DGKB: variants seen among roughly 807,000 people sequenced by gnomAD.
DGKB encodes the protein 90 kDa diacylglycerol kinase.
A neutral mutation model predicts 114.3 loss-of-function variants in DGKB; 67 were observed. The observed-to-expected ratio is 0.59, with a 90% CI of 0.48 to 0.72. The LOEUF is 0.72. DGKB is among the 30% of genes least tolerant of loss of function. The pLI is 0.00. For missense variants in DGKB, 907 were observed against 975.2 expected (o/e 0.93, Z 0.93); for synonymous variants, 398 against 323.1 (o/e 1.23, Z -2.49).
intron 25 of DGKB, among the ~76,000 whole-genome samples, chr7:14,167,039 A>G (rs985412191): frequency 3.3e-5 from 5 of 152,070 alleles, no homozygotes; most frequent in African/African-American, 9.6e-5. Context: ...GTGAAAACCC[A>G]TCTGTACTAA....
At chr7:14,908,376 G>T (rs557671076) in intron 1 of DGKB, among the ~76,000 whole-genome samples, 1 of 152,186 alleles carries the variant, frequency 6.6e-6, no homozygotes, top group South Asian at 2.1e-4. Context: ...TTTACACAGA[G>T]CCCTGCACAC....
chr7:14,257,178 T>C (rs1796074238), intron 23 of DGKB, among the ~76,000 whole-genome samples: 1 of 152,100 alleles, frequency 6.6e-6, no homozygotes, highest in Non-Finnish European at 1.5e-5. Flanking sequence ...TAGAATAAAA[T>C]AAAAAAATTT....
intron 13 of DGKB, among the ~76,000 whole-genome samples, chr7:14,634,512 A>G (rs889190255): frequency 4.0e-5 from 6 of 149,968 alleles, no homozygotes; most frequent in Admixed American, 2.0e-4. Context: ...ACACACACAC[A>G]CACACTTGTT....
intron 1 of DGKB, among the ~76,000 whole-genome samples, chr7:14,841,872 T>C (rs576738602): frequency 1.3e-5 from 2 of 152,226 alleles, no homozygotes; most frequent in Admixed American, 1.3e-4. Context: ...AGAAGTCATA[T>C]AATTTGTTCT....
intron 23 of DGKB, among the ~76,000 whole-genome samples, chr7:14,221,785 C>T (rs886526306): frequency 4.0e-5 from 6 of 150,210 alleles, no homozygotes; most frequent in Admixed American, 4.0e-4. Flanking sequence ...GTGAAGCCAT[C>T]TGGGTCTTTG....
chr7:14,342,274 A>C (rs914995007), intron 22 of DGKB, among the ~76,000 whole-genome samples: 3 of 151,856 alleles, frequency 2.0e-5, no homozygotes, highest in Non-Finnish European at 4.4e-5. Context: ...ATCCCTGTCA[A>C]CCAAAAGACT....
At chr7:14,958,662 G>GTT (rs145147140) in intron 1 of DGKB, among the ~76,000 whole-genome samples, 6,989 of 151,986 alleles carry the variant, frequency 0.046, 240 homozygotes, top group Non-Finnish European at 0.076. Context: ...TAGCCTGTTT[G>GTT]TGGCATATGA....
At chr7:14,288,284 TGA>T (rs1801214222) in intron 23 of DGKB, among the ~76,000 whole-genome samples, 1 of 82,876 alleles carries the variant, frequency 1.2e-5, no homozygotes, top group African/African-American at 5.5e-5. Flanking sequence ...CAAACTACCC[TGA>T]GTTTTTTTTT....
At chr7:14,169,202 TA>T (rs71033976) in intron 25 of DGKB, among the ~76,000 whole-genome samples, 10 of 145,078 alleles carry the variant, frequency 6.9e-5, no homozygotes, top group African/African-American at 1.5e-4. Flanking sequence ...TACTAAAAAT[TA>T]AAAAAAAAAA....
At chr7:14,230,056 CT>C (rs1165379020) in intron 23 of DGKB, among the ~76,000 whole-genome samples, 2 of 151,868 alleles carry the variant, frequency 1.3e-5, no homozygotes, top group African/African-American at 4.8e-5. Context: ...TTGTTGCATC[CT>C]TTTTTTCTAC....
chr7:14,749,797 T>A (rs1723241), intron 4 of DGKB, among the ~76,000 whole-genome samples: 12,851 of 152,182 alleles, frequency 0.084, 932 homozygotes, highest in African/African-American at 0.19. Context: ...TGGAAACCTT[T>A]GTATATATAA....
At chr7:14,176,992 A>C in intron 24 of DGKB, 93 bp from the exon 25 acceptor site, 1 of 1,431,574 alleles carries the variant, frequency 7.0e-7, no homozygotes, top group Non-Finnish European at 9.6e-7. Flanking sequence ...CAGGGAAGGC[A>C]ATATGGTAAT....
At chr7:14,633,949 T>C (rs979494029) in intron 13 of DGKB, among the ~76,000 whole-genome samples, 3 of 151,520 alleles carry the variant, frequency 2.0e-5, no homozygotes, top group Non-Finnish European at 3.0e-5. Context: ...TATTTTCTAA[T>C]GTGTAATCAT....
intron 25 of DGKB, among the ~76,000 whole-genome samples, chr7:14,163,111 G>T (rs1784141885): frequency 6.6e-6 from 1 of 151,994 alleles, no homozygotes; most frequent in South Asian, 2.1e-4. Flanking sequence ...GAACCAAAAT[G>T]GAAATTATAT....
intron 25 of DGKB, among the ~76,000 whole-genome samples, chr7:14,153,409 C>G (rs766550385): frequency 1.3e-5 from 2 of 151,956 alleles, no homozygotes; most frequent in Non-Finnish European, 2.9e-5. Context: ...AATAATTTTA[C>G]TTTTATAATG....
At chr7:14,189,945 A>C (rs10281999) in intron 23 of DGKB, among the ~76,000 whole-genome samples, 1 of 152,134 alleles carries the variant, frequency 6.6e-6, no homozygotes, top group Non-Finnish European at 1.5e-5. Flanking sequence ...GATAGAACAC[A>C]ATACAAAATA....
At chr7:14,419,076 T>C (rs879345491) in intron 21 of DGKB, among the ~76,000 whole-genome samples, 5 of 151,926 alleles carry the variant, frequency 3.3e-5, no homozygotes, top group African/African-American at 1.2e-4. Context: ...AGGAGAATAA[T>C]AGAATCCTTA....
intron 13 of DGKB, among the ~76,000 whole-genome samples, chr7:14,655,577 C>T (rs1815607807): frequency 6.6e-6 from 1 of 151,742 alleles, no homozygotes; most frequent in East Asian, 1.9e-4. Flanking sequence ...AAAGTGACAT[C>T]TTCACCCCCA....
intron 21 of DGKB, among the ~76,000 whole-genome samples, chr7:14,419,590 T>C (rs1212690654): frequency 6.6e-6 from 1 of 151,478 alleles, no homozygotes; most frequent in Non-Finnish European, 1.5e-5. Flanking sequence ...TCCTTAAAGT[T>C]GTGTTGAAAT....
Sources: allele counts gnomAD v4.1 joint callset (sites outside exome capture counted in the v4.1 genomes callset), GRCh38; gene constraint gnomAD v4.1.1; transcripts MANE v1.5; gene names NCBI Gene and HGNC (gene_info 2026-07-23, HGNC 2026-07-21).